The following WWOX variants were observed in gnomAD, a reference collection of about 807,000 sequenced individuals.
WWOX encodes the protein WW domain-containing oxidoreductase.
A neutral mutation model predicts 46.2 loss-of-function variants in WWOX; 69 were observed. That is an observed-to-expected ratio of 1.49 (90% CI 1.23 to 1.82). The LOEUF is 1.82. Ranked by LOEUF, WWOX falls within the 40% of genes most tolerant of loss-of-function variation. The pLI, the probability that WWOX is intolerant of heterozygous loss-of-function variation, is 0.00. For missense variants in WWOX, 919 were observed against 542.6 expected, an observed-to-expected ratio of 1.69 and a Z score of -6.89; for synonymous variants, 359 against 202.6, an observed-to-expected ratio of 1.77 and a Z score of -6.56.
rs137976960 is a variant in WWOX, at chr16:79,002,280, A to G, written c.1057-209328A>G. Among the ~76,000 whole-genome samples, 1,026 of 120,644 alleles carry G rather than the reference A, an allele frequency of 8.5e-3. 9 individuals carry two copies. The highest frequency in any genetic ancestry group is 0.031 in the African/African-American group (977 of 31,068). 79.1% of individuals were successfully genotyped at this position (120,644 alleles called of 152,430 possible). A position where few individuals can be genotyped will look rare whatever the true frequency, so the allele number is the denominator to read the frequency against. On this transcript the variant is annotated intron_variant, in intron 8 of 8. Transcript: ENST00000566780. ...CTCTTCTTGCCCAGGCTGGAGTGCA[A>G]TGGCGTGATCTCAGCTCACTGCAGC...
intron 8 of WWOX, among the ~76,000 whole-genome samples, chr16:78,937,812 G>T (rs773000680): frequency 2.6e-5 from 4 of 151,968 alleles, no homozygotes; most frequent in Non-Finnish European, 4.4e-5. Flanking sequence ...TTTTTAAATA[G>T]AGGTCTGTTT....
At chr16:78,329,930 G>T (rs1323065905) in intron 5 of WWOX, among the ~76,000 whole-genome samples, 2 of 151,810 alleles carry the variant, frequency 1.3e-5, no homozygotes, top group African/African-American at 4.8e-5. Flanking sequence ...AGTTTTTGTA[G>T]AGACAAGTTC....
chr16:78,308,349 G>A (rs1479269936), intron 5 of WWOX, among the ~76,000 whole-genome samples: 2 of 152,196 alleles, frequency 1.3e-5, no homozygotes, highest in Non-Finnish European at 2.9e-5. Context: ...AGTTCAGGCA[G>A]TGATGGGAAG....
At chr16:79,105,385 C>T (rs1567553550) in intron 8 of WWOX, among the ~76,000 whole-genome samples, 2 of 152,262 alleles carry the variant, frequency 1.3e-5, no homozygotes, top group South Asian at 4.1e-4. Context: ...ACTCCATATT[C>T]GTACCCATGT....
intron 8 of WWOX, among the ~76,000 whole-genome samples, chr16:78,948,416 A>T (rs2045990944): frequency 6.6e-6 from 1 of 152,186 alleles, no homozygotes; most frequent in Non-Finnish European, 1.5e-5. Context: ...CTGGGTGGCT[A>T]GACTGAAAAA....
chr16:78,482,187 G>A (rs2082333118), intron 8 of WWOX, among the ~76,000 whole-genome samples: 1 of 152,134 alleles, frequency 6.6e-6, no homozygotes, highest in Non-Finnish European at 1.5e-5. Context: ...TGAAGCAGAG[G>A]TTGAAGGAGG....
intron 8 of WWOX, among the ~76,000 whole-genome samples, chr16:78,484,567 T>C (rs979378982): frequency 1.3e-5 from 2 of 152,254 alleles, no homozygotes; most frequent in African/African-American, 2.4e-5. Flanking sequence ...TCACGTATAC[T>C]TAAGCAGAAG....
intron 5 of WWOX, among the ~76,000 whole-genome samples, chr16:78,292,595 G>T (rs1410247021): frequency 1.3e-5 from 2 of 151,834 alleles, no homozygotes; most frequent in African/African-American, 4.8e-5. Flanking sequence ...TTAGGATTTA[G>T]TTGAAAGATT....
intron 8 of WWOX, among the ~76,000 whole-genome samples, chr16:79,046,374 C>G (rs1445178180): frequency 2.6e-5 from 4 of 152,162 alleles, no homozygotes; most frequent in Admixed American, 2.6e-4. Context: ...ATCCTGTTGT[C>G]TTTATCAGTT....
intron 3 of WWOX, 72 bp from the exon 4 acceptor site, chr16:78,114,904 G>T: frequency 6.3e-7 from 1 of 1,599,910 alleles, no homozygotes; most frequent in Non-Finnish European, 8.6e-7. Context: ...TTTTCCTAAA[G>T]TATAAGATTG....
intron 8 of WWOX, among the ~76,000 whole-genome samples, chr16:78,976,523 G>T (rs1409718003): frequency 6.6e-6 from 1 of 152,230 alleles, no homozygotes; most frequent in African/African-American, 2.4e-5. Flanking sequence ...GAGGGGTGAT[G>T]TAGTTGCATG....
At chr16:78,835,213 C>G (rs1342310461) in intron 8 of WWOX, among the ~76,000 whole-genome samples, 1 of 152,050 alleles carries the variant, frequency 6.6e-6, no homozygotes, top group African/African-American at 2.4e-5. Flanking sequence ...GCCTTCTTAC[C>G]ACCTAGAAAA....
intron 8 of WWOX, among the ~76,000 whole-genome samples, chr16:78,481,724 A>ATGTGT (rs547026122): frequency 7.3e-6 from 1 of 136,970 alleles, no homozygotes; most frequent in Non-Finnish European, 1.6e-5. Flanking sequence ...GGGCAAGGGA[A>ATGTGT]GTGTGTGTGT....
intron 8 of WWOX, among the ~76,000 whole-genome samples, chr16:79,042,301 A>G (rs551846758): frequency 9.2e-5 from 14 of 152,194 alleles, no homozygotes; most frequent in African/African-American, 3.1e-4. Context: ...GGGTGGAAAC[A>G]TGCACCTTCC....
chr16:79,035,713 A>G (rs982555617), intron 8 of WWOX, among the ~76,000 whole-genome samples: 2 of 151,860 alleles, frequency 1.3e-5, no homozygotes, highest in African/African-American at 4.8e-5. Flanking sequence ...TAATGTTTGT[A>G]TTTTTAGTAG....
chr16:79,185,508 C>CA (rs398078777), intron 8 of WWOX, among the ~76,000 whole-genome samples: 13 of 151,804 alleles, frequency 8.6e-5, no homozygotes, highest in East Asian at 1.9e-4. Flanking sequence ...CCTCCTGCCC[C>CA]CTGGCCAGCC....
intron 8 of WWOX, among the ~76,000 whole-genome samples, chr16:79,054,741 G>C (rs1482543315): frequency 2.6e-5 from 4 of 152,120 alleles, no homozygotes; most frequent in African/African-American, 9.7e-5. Context: ...CGAGAGGATT[G>C]TTTGAGCCCA....
chr16:78,392,270 A>T (rs1043490977), intron 6 of WWOX, among the ~76,000 whole-genome samples: 1 of 152,032 alleles, frequency 6.6e-6, no homozygotes, highest in African/African-American at 2.4e-5. Context: ...CGTGATCCCT[A>T]TTGTGAGCCA....
chr16:79,101,005 T>C (rs1597376129), intron 8 of WWOX: 1 of 151,022 alleles, frequency 6.6e-6, no homozygotes, highest in Admixed American at 6.6e-5. Context: ...GGGGTGTGAA[T>C]GGGGGAATGA....
Sources: gnomAD v4.1 joint callset for allele counts (sites outside exome capture counted in the v4.1 genomes callset) on GRCh38, gnomAD v4.1.1 for gene constraint, MANE v1.5 for transcripts, NCBI Gene and HGNC (gene_info 2026-07-23, HGNC 2026-07-21) for gene names.